Variants in SIAH3 observed in about 807,000 individuals in gnomAD.
SIAH3 encodes the protein siah E3 ubiquitin protein ligase family member 3.
A neutral mutation model predicts 12.6 loss-of-function variants in SIAH3; 9 were observed. That is an observed-to-expected ratio of 0.72 (90% CI 0.43 to 1.25). SIAH3 has a LOEUF of 1.25. Ranked by LOEUF, SIAH3 falls within the 50% of genes most tolerant of loss-of-function variation. The pLI, the probability that SIAH3 is intolerant of heterozygous loss-of-function variation, is 0.00. For missense variants in SIAH3, 390 were observed against 365.4 expected (o/e 1.07, Z -0.55); for synonymous variants, 154 against 151.1 (o/e 1.02, Z -0.14).
intron 1 of SIAH3, among the ~76,000 whole-genome samples, chr13:45,831,216 AAAT>A (rs1312492587): frequency 1.9e-4 from 27 of 145,346 alleles, no homozygotes; most frequent in African/African-American, 5.6e-4. Context: ...ATAAATAAAT[AAAT>A]AAATAAAATA....
intron 1 of SIAH3, among the ~76,000 whole-genome samples, chr13:45,809,036 G>T (rs1007627849): frequency 2.0e-5 from 3 of 152,146 alleles, no homozygotes; most frequent in Non-Finnish European, 2.9e-5. Context: ...CAACCCTATT[G>T]TAACAATATT....
chr13:45,843,986 T>C (rs954850002), intron 1 of SIAH3, among the ~76,000 whole-genome samples: 1 of 152,130 alleles, frequency 6.6e-6, no homozygotes, highest in Non-Finnish European at 1.5e-5. Context: ...AAATCCCAAA[T>C]GTTAAAATTC....
intron 1 of SIAH3, among the ~76,000 whole-genome samples, chr13:45,831,869 G>A (rs911142710): frequency 6.6e-6 from 1 of 152,252 alleles, no homozygotes; most frequent in Admixed American, 6.5e-5. Flanking sequence ...GGAGGAGTCA[G>A]ACACCATTCA....
chr13:45,851,721 C>T lies in SIAH3; in HGVS notation c.-92G>A, dbSNP rs757265681. The T allele has an allele frequency of 1.3e-6, 2 of 1,522,352 alleles. No individual in the cohort carries two copies. The highest frequency in any genetic ancestry group is 2.4e-5 in the South Asian group (2 of 84,268). The allele number at this position is 1,522,352 out of a possible 1,614,324, so 94.3% of individuals were successfully genotyped here. A position where few individuals can be genotyped will look rare whatever the true frequency, so the allele number is the denominator to read the frequency against. Reference sequence around the variant, plus strand: ...AAGGAGCGCAGCCTCTGAGACACTCCGCTCCAGCCCGGCTTAGCGCGCCTT... The same window carrying T: ...AAGGAGCGCAGCCTCTGAGACACTCTGCTCCAGCCCGGCTTAGCGCGCCTT... On this transcript the variant is annotated 5_prime_UTR_variant, in exon 1 of 2. Transcript: ENST00000400405.
intron 1 of SIAH3, among the ~76,000 whole-genome samples, chr13:45,822,520 A>ATATAT (rs1950659162): frequency 4.7e-5 from 4 of 85,420 alleles, no homozygotes; most frequent in Middle Eastern, 5.2e-3. Context: ...TTCATTATCA[A>ATATAT]ATATATATAT....
At chr13:45,846,487 T>C (rs1428607912) in intron 1 of SIAH3, among the ~76,000 whole-genome samples, 1 of 152,200 alleles carries the variant, frequency 6.6e-6, no homozygotes, top group Admixed American at 6.5e-5. Context: ...CAGGTCACTG[T>C]TTCCCTTTGG....
intron 1 of SIAH3, among the ~76,000 whole-genome samples, chr13:45,786,567 CAA>C (rs1433837801): frequency 1.3e-5 from 2 of 152,288 alleles, no homozygotes; most frequent in East Asian, 3.9e-4. Context: ...CTCTCATTGG[CAA>C]AATATTTATC....
chr13:45,789,588 G>A (rs1195528512), intron 1 of SIAH3, among the ~76,000 whole-genome samples: 1 of 152,120 alleles, frequency 6.6e-6, no homozygotes, highest in Non-Finnish European at 1.5e-5. Context: ...TGTATTTTTA[G>A]TAGGGACGGG....
rs545280790 is a variant in SIAH3 at position 45,806,525 on chromosome 13, A to G, written c.136-22468T>C. 3.7e-4 allele frequency among the ~76,000 whole-genome samples: 56 copies of G among 152,288 alleles called. No individual in the cohort carries two copies. In the South Asian group the frequency reaches 5.0e-3, roughly 14 times the overall value. ...ACAGGGAGCTAAACATTGAGTACACACGCATATAAAGATGGCACCAATAGA... is the reference window on the plus strand; with the variant it reads ...ACAGGGAGCTAAACATTGAGTACACGCGCATATAAAGATGGCACCAATAGA... On this transcript the variant is annotated intron_variant, in intron 1 of 1. Coordinates refer to ENST00000400405, the MANE Select transcript of SIAH3 (RefSeq NM_198849.3).
chr13:45,801,953 C>T (rs924960575), intron 1 of SIAH3, among the ~76,000 whole-genome samples: 3 of 152,166 alleles, frequency 2.0e-5, no homozygotes, highest in Non-Finnish European at 4.4e-5. Context: ...AGGGAAAATG[C>T]CGTTTTTGGA....
At chr13:45,822,677 T>C (rs1950660504) in intron 1 of SIAH3, among the ~76,000 whole-genome samples, 1 of 151,828 alleles carries the variant, frequency 6.6e-6, no homozygotes, top group East Asian at 1.9e-4. Context: ...TTATTTTTTA[T>C]ATCATCAGAA....
At chr13:45,813,790 C>G (rs1269898679) in intron 1 of SIAH3, among the ~76,000 whole-genome samples, 1 of 152,016 alleles carries the variant, frequency 6.6e-6, no homozygotes, top group African/African-American at 2.4e-5. Context: ...AGAGAAAGAT[C>G]TAGGTTCTTT....
chr13:45,813,113 C>T (rs187787515), intron 1 of SIAH3, among the ~76,000 whole-genome samples: 3 of 152,130 alleles, frequency 2.0e-5, no homozygotes, highest in Admixed American at 2.0e-4. Context: ...TGGGTCAGTA[C>T]TGAGTCCCGG....
At chr13:45,831,219 T>TAAATAAATAAATA (rs1555259210) in intron 1 of SIAH3, among the ~76,000 whole-genome samples, 1 of 140,424 alleles carries the variant, frequency 7.1e-6, no homozygotes, top group African/African-American at 3.0e-5. Context: ...AATAAATAAA[T>TAAATAAATAAATA]AAATAAAATA....
intron 1 of SIAH3, among the ~76,000 whole-genome samples, chr13:45,802,230 CG>C (rs1950584848): frequency 6.6e-6 from 1 of 152,106 alleles, no homozygotes; most frequent in Non-Finnish European, 1.5e-5. Flanking sequence ...CTCTTGAACC[CG>C]GGAGGTGGAT....
At chr13:45,829,390 C>T (rs1209685279) in intron 1 of SIAH3, among the ~76,000 whole-genome samples, 2 of 152,034 alleles carry the variant, frequency 1.3e-5, no homozygotes, top group Admixed American at 1.3e-4. Flanking sequence ...ATTGCTTGAG[C>T]CCAGAAGTTC....
rs11386908 is a variant in SIAH3, at chr13:45,814,732, C to CTTTTTT, written c.136-30681_136-30676dup. Among the ~76,000 whole-genome samples the CTTTTTT allele has an allele frequency of 3.0e-4, 44 of 146,766 alleles. 1 individual carries two copies. The highest frequency in any genetic ancestry group is 1.1e-3 in the African/African-American group (44 of 38,708). ...AAAGTAATTGCGGGTTTTGCCATTA[C>CTTTTTT]TTTTTTTTTTTGAGACAGAGGCTCC... On this transcript the variant is annotated intron_variant, in intron 1 of 1. Coordinates refer to ENST00000400405, the MANE Select transcript of SIAH3 (RefSeq NM_198849.3).
chr13:45,829,263 G>C (rs1950690077), intron 1 of SIAH3, among the ~76,000 whole-genome samples: 1 of 152,148 alleles, frequency 6.6e-6, no homozygotes, highest in Non-Finnish European at 1.5e-5. Flanking sequence ...GTGCAGCTTG[G>C]TGAATTTTAA....
At position 45,845,373 on chromosome 13, in the gene SIAH3, C is replaced by T. The variant is rs144968620; in HGVS notation, c.135+6122G>A. On this transcript the variant is annotated intron_variant, in intron 1 of 1. Coordinates refer to ENST00000400405, the MANE Select transcript of SIAH3 (RefSeq NM_198849.3). ...GAGATCTCGGCGGTTTGGGTGACTG[C>T]ATATGCAATGGTGACTCGCTGGTTT... 1.2e-4 allele frequency among the ~76,000 whole-genome samples: 18 copies of T among 152,224 alleles called. No individual in the cohort carries two copies. In the East Asian group the frequency reaches 3.5e-3, roughly 29 times the overall value.
Sources: gnomAD v4.1 joint callset for allele counts (sites outside exome capture counted in the v4.1 genomes callset) on GRCh38, gnomAD v4.1.1 for gene constraint, MANE v1.5 for transcripts, NCBI Gene and HGNC (gene_info 2026-07-23, HGNC 2026-07-21) for gene names.